Variants in CTDSP2 observed in about 807,000 individuals in gnomAD.
CTDSP2 encodes CTD small phosphatase 2.
A neutral mutation model predicts 31.6 loss-of-function variants in CTDSP2; 9 were observed. The observed-to-expected ratio is 0.28, with a 90% CI of 0.17 to 0.50. CTDSP2 has a LOEUF of 0.50. Among genes scored for constraint, CTDSP2 ranks in the 20% least tolerant of loss-of-function variants. The pLI, the probability that CTDSP2 is intolerant of heterozygous loss-of-function variation, is 0.98. For missense variants in CTDSP2, 267 were observed against 348.5 expected (o/e 0.77, Z 1.86); for synonymous variants, 134 against 134.5 (o/e 1.00, Z 0.03).
rs549342767 is a variant in CTDSP2 at position 57,822,488 on chromosome 12, A to T, written c.*1114T>A. 2.6e-5 allele frequency: 4 copies of T among 152,514 alleles called. No homozygotes were observed. Among genetic ancestry groups the T allele is most frequent in the African/African-American group, 9.6e-5 (4 of 41,588 alleles). 9.4% of individuals were successfully genotyped at this position (152,514 alleles called of 1,614,324 possible). A position where few individuals can be genotyped will look rare whatever the true frequency, so the allele number is the denominator to read the frequency against. On this transcript the variant is annotated 3_prime_UTR_variant, in exon 8 of 8. Transcript: ENST00000398073. ...AGCCAGGAAGGATGAAGGCTGGAAC[A>T]GACAGAGCTCGGTACAGGACAGGCC... is the stretch of plus-strand genomic sequence containing the variant.
chr12:57,821,924 T>C lies in CTDSP2; in HGVS notation c.*1678A>G, dbSNP rs937540. On this transcript the variant is annotated 3_prime_UTR_variant, in exon 8 of 8. Transcript: ENST00000398073. ...TGAGAGCACGAAGCTGCTGCTCTAC[T>C]ACCTGCTTTTCTCAAAACTTGTTAG... The C allele has an allele frequency of 0.99, 151,381 of 152,396 alleles. 75,195 individuals carry two copies. The highest frequency in any genetic ancestry group is 1 in the Middle Eastern group (294 of 294). The allele number at this position is 152,396 out of a possible 1,614,324, so 9.4% of individuals were successfully genotyped here.
At chr12:57,831,496 G>T (rs1422664280) in intron 1 of CTDSP2, among the ~76,000 whole-genome samples, 1 of 152,154 alleles carries the variant, frequency 6.6e-6, no homozygotes, top group Non-Finnish European at 1.5e-5. Flanking sequence ...TGCTATAGAT[G>T]AAATTTTCTG....
At position 57,824,228 on chromosome 12, in the gene CTDSP2, TTG is replaced by T; in HGVS notation, c.501_502del (p.Lys168ValfsTer22). The T allele has an allele frequency of 6.2e-7, 1 of 1,614,050 alleles. No homozygotes were observed. The highest frequency in any genetic ancestry group is 8.5e-7 in the Non-Finnish European group (1 of 1,179,920). ...TTCTTCCCTCTCACCCCTAGGTACCTTGGCCAGGCTGGCAGTGAAGAGAACAC... is the reference window on the plus strand; with the variant it reads ...TTCTTCCCTCTCACCCCTAGGTACCTGCCAGGCTGGCAGTGAAGAGAACAC... On this transcript the variant is annotated frameshift_variant and splice_region_variant, in exon 6 of 8. Transcript: ENST00000398073. LOFTEE classifies it high-confidence loss of function.
intron 1 of CTDSP2, among the ~76,000 whole-genome samples, chr12:57,844,914 C>T (rs1403334928): frequency 1.4e-5 from 2 of 146,304 alleles, no homozygotes; most frequent in African/African-American, 2.5e-5. Flanking sequence ...CACCCTTCCC[C>T]CCTCCCAGCT....
At chr12:57,843,907 A>G (rs1956297161) in intron 1 of CTDSP2, among the ~76,000 whole-genome samples, 1 of 152,156 alleles carries the variant, frequency 6.6e-6, no homozygotes, top group South Asian at 2.1e-4. Context: ...ATCAAATTAC[A>G]TGGGGAGGGG....
At chr12:57,827,641 C>T in intron 2 of CTDSP2, 51 bp from the exon 3 acceptor site, 9 of 1,566,830 alleles carry the variant, frequency 5.7e-6, no homozygotes, top group Non-Finnish European at 7.9e-6. Flanking sequence ...TTTCCCACCC[C>T]ATCCAAACCC....
At chr12:57,825,949 A>G (rs1268713921) in intron 5 of CTDSP2, among the ~76,000 whole-genome samples, 1 of 152,198 alleles carries the variant, frequency 6.6e-6, no homozygotes, top group Non-Finnish European at 1.5e-5. Context: ...AGGCAAAGAG[A>G]TACCTGGTTA....
intron 3 of CTDSP2, 157 bp downstream of exon 3, chr12:57,827,395 A>G: frequency 2.6e-6 from 2 of 767,578 alleles, no homozygotes; most frequent in South Asian, 1.6e-5. Context: ...TGCCTTGCAC[A>G]TAGCAGGCCC....
chr12:57,831,103 TAAA>T (rs11309444), intron 1 of CTDSP2, among the ~76,000 whole-genome samples: 147 of 121,608 alleles, frequency 1.2e-3, no homozygotes, highest in African/African-American at 4.0e-3. Flanking sequence ...GCCAAGCAGA[TAAA>T]AAAAAAAAAA....
chr12:57,831,868 T>TGGTAC (rs1956217877), intron 1 of CTDSP2, among the ~76,000 whole-genome samples: 1 of 151,958 alleles, frequency 6.6e-6, no homozygotes, highest in African/African-American at 2.4e-5. Context: ...ACCCAGAAAA[T>TGGTAC]GTACCAAGGT....
intron 1 of CTDSP2, among the ~76,000 whole-genome samples, chr12:57,836,278 A>G (rs1956246920): frequency 6.6e-6 from 1 of 152,236 alleles, no homozygotes. Context: ...AAAGCAAGTA[A>G]GACTGTTTCA....
intron 1 of CTDSP2, among the ~76,000 whole-genome samples, chr12:57,845,264 G>A (rs960046941): frequency 1.3e-5 from 2 of 152,202 alleles, no homozygotes; most frequent in African/African-American, 4.8e-5. Flanking sequence ...CGCCACACTC[G>A]TCCTTACACC....
intron 1 of CTDSP2, among the ~76,000 whole-genome samples, chr12:57,836,795 G>C (rs1182204936): frequency 6.6e-6 from 1 of 152,202 alleles, no homozygotes; most frequent in East Asian, 1.9e-4. Flanking sequence ...TTGTGTCCCA[G>C]CAAAGGAACT....
intron 1 of CTDSP2, among the ~76,000 whole-genome samples, chr12:57,842,008 A>T (rs1956285347): frequency 6.6e-6 from 1 of 152,210 alleles, no homozygotes; most frequent in Non-Finnish European, 1.5e-5. Flanking sequence ...GCTTTGAAGT[A>T]ACAATGTAAA....
At chr12:57,833,085 C>T (rs1030352215) in intron 1 of CTDSP2, among the ~76,000 whole-genome samples, 2 of 152,190 alleles carry the variant, frequency 1.3e-5, no homozygotes, top group African/African-American at 4.8e-5. Flanking sequence ...TTTTAAAAGG[C>T]CACACAGCCT....
chr12:57,830,751 T>C (rs547715644), intron 1 of CTDSP2, among the ~76,000 whole-genome samples: 1 of 152,238 alleles, frequency 6.6e-6, no homozygotes, highest in South Asian at 2.1e-4. Flanking sequence ...TTTTTATTGA[T>C]TTATTTATTT....
chr12:57,827,490 T>C, intron 3 of CTDSP2, 62 bp downstream of exon 3: 1 of 1,557,912 alleles, frequency 6.4e-7, no homozygotes, highest in Non-Finnish European at 8.9e-7. Context: ...ACCCTGCCCG[T>C]GGAGCTGGCA....
intron 1 of CTDSP2, among the ~76,000 whole-genome samples, chr12:57,840,343 A>C (rs1331120820): frequency 6.6e-6 from 1 of 152,218 alleles, no homozygotes; most frequent in Non-Finnish European, 1.5e-5. Context: ...CAATTCAGCC[A>C]AAGTCCCCTT....
intron 3 of CTDSP2, 119 bp from the exon 4 acceptor site, chr12:57,827,216 C>A: frequency 1.4e-6 from 1 of 727,228 alleles, no homozygotes; most frequent in Non-Finnish European, 2.4e-6. Flanking sequence ...CCAGGATAGG[C>A]ACCACTTAAA....
Sources: gnomAD v4.1 joint callset for allele counts (sites outside exome capture counted in the v4.1 genomes callset) on GRCh38, gnomAD v4.1.1 for gene constraint, MANE v1.5 for transcripts, NCBI Gene and HGNC (gene_info 2026-07-23, HGNC 2026-07-21) for gene names.